COL5A1: variants seen among roughly 807,000 people sequenced by gnomAD.
COL5A1 encodes the protein collagen type V alpha 1 chain, also known as collagen alpha-1(V) chain.
In COL5A1, 16 loss-of-function variants were observed where a neutral mutation model predicts 263.7. That is an observed-to-expected ratio of 0.06 (90% CI 0.04 to 0.09). COL5A1 has a LOEUF of 0.09. Ranked by LOEUF, COL5A1 falls within the 10% of genes least tolerant of loss-of-function variation. The pLI is 1.00. For synonymous variants in COL5A1, 1,012 were observed against 1,004.5 expected (o/e 1.01, Z -0.14); for missense variants, 2,036 against 2,540.5 (o/e 0.80, Z 4.27).
At chr9:134,824,510 A>C in intron 61 of COL5A1, 90 bp from the exon 62 acceptor site, 2 of 1,550,988 alleles carry the variant, frequency 1.3e-6, no homozygotes, top group Non-Finnish European at 8.8e-7. Flanking sequence ...GAACCCCTGC[A>C]GATGTGGCCC....
Position 134,822,199 on chromosome 9 carries a change from G to T in COL5A1, c.4608+49G>T. 2.9e-6 allele frequency: 4 copies of T among 1,381,788 alleles called. No individual in the cohort carries two copies. In the South Asian group the frequency reaches 3.5e-5, roughly 12 times the overall value. 85.6% of individuals were successfully genotyped at this position (1,381,788 alleles called of 1,614,324 possible). A position where few individuals can be genotyped will look rare whatever the true frequency, so the allele number is the denominator to read the frequency against. On this transcript the variant is annotated intron_variant, in intron 59 of 65. Coordinates refer to ENST00000371817, the MANE Select transcript of COL5A1 (RefSeq NM_000093.5). ...TCATTCCTGGGAGGGCAGGGAGGGT[G>T]GGGATAAGCCTTGGGGCCTCAGTGT...
chr9:134,753,776 T>G, intron 14 of COL5A1, 74 bp from the exon 15 acceptor site: 5 of 414,870 alleles, frequency 1.2e-5, no homozygotes, highest in Non-Finnish European at 9.1e-6. Flanking sequence ...GCCCCTCCCC[T>G]GCCACCCCCA....
At chr9:134,679,338 T>A (rs1198865910) in intron 1 of COL5A1, among the ~76,000 whole-genome samples, 3 of 127,216 alleles carry the variant, frequency 2.4e-5, no homozygotes, top group African/African-American at 9.2e-5. Context: ...GCAGGGCTTA[T>A]TAGGGGGCAC....
chr9:134,784,929 G>C (rs1837397661), intron 29 of COL5A1, 60 bp from the exon 30 acceptor site: 3 of 1,316,766 alleles, frequency 2.3e-6, no homozygotes, highest in Admixed American at 1.7e-5. Flanking sequence ...TCAGAATGGT[G>C]GTGGAGAATA....
chr9:134,766,308 A>C, intron 21 of COL5A1, 146 bp from the exon 22 acceptor site: 1 of 781,058 alleles, frequency 1.3e-6, no homozygotes, highest in East Asian at 2.7e-5. Context: ...ATTTGGAGTC[A>C]GGTCCTTCCC....
chr9:134,706,342 GC>G (rs1833837950), intron 4 of COL5A1, among the ~76,000 whole-genome samples: 1 of 152,008 alleles, frequency 6.6e-6, no homozygotes, highest in Non-Finnish European at 1.5e-5. Flanking sequence ...GAGGGGCTGG[GC>G]TCCCCCCAGT....
At chr9:134,808,139 G>A (rs929723591) in intron 42 of COL5A1, among the ~76,000 whole-genome samples, 2 of 152,314 alleles carry the variant, frequency 1.3e-5, no homozygotes, top group East Asian at 3.9e-4. Flanking sequence ...CATGAATTGT[G>A]GAGGGAGGAA....
chr9:134,714,473 A>AGAGG (rs1834179094), intron 4 of COL5A1, among the ~76,000 whole-genome samples: 2 of 16 alleles, frequency 0.12, no homozygotes, highest in Non-Finnish European at 0.2. Flanking sequence ...GGTGGTTGTG[A>AGAGG]TGGTGTGATG....
intron 4 of COL5A1, among the ~76,000 whole-genome samples, chr9:134,711,380 A>G (rs1299615499): frequency 1.3e-5 from 2 of 152,042 alleles, no homozygotes; most frequent in Non-Finnish European, 2.9e-5. Context: ...TGTGCTAATG[A>G]GTGAGTCTTG....
intron 4 of COL5A1, among the ~76,000 whole-genome samples, chr9:134,722,461 C>T (rs1220431584): frequency 1.1e-4 from 17 of 152,196 alleles, no homozygotes. Context: ...GGTATGGCCG[C>T]TGTGCTGGAC....
rs1306109065 is a variant in COL5A1, at chr9:134,680,295, G to A, written c.110-10617G>A. Among the ~76,000 whole-genome samples, 2 of 152,206 alleles carry A rather than the reference G, an allele frequency of 1.3e-5. No homozygotes were observed. The highest frequency in any genetic ancestry group is 2.9e-5 in the Non-Finnish European group (2 of 68,038). On this transcript the variant is annotated intron_variant, in intron 1 of 65. Transcript: ENST00000371817. The surrounding 1 kb of genome is among the most constrained non-coding windows in gnomAD (Gnocchi z 5.9). ...ATTTTCTCACCCTGTGAAACACTGC[G>A]GGTCGGTGCACAGGTGTCTGGATGT...
At position 134,652,158 on chromosome 9, in the gene COL5A1, G is replaced by C. The variant is rs1475205040; in HGVS notation, c.109+9862G>C. Among the ~76,000 whole-genome samples, 1 of 152,178 alleles carries C rather than the reference G, an allele frequency of 6.6e-6. No individual in the cohort carries two copies. Among genetic ancestry groups the C allele is most frequent in the Non-Finnish European group, 1.5e-5 (1 of 68,020 alleles). The stretch of plus-strand genomic sequence containing the variant: ...ACGATTTCTGACTGCGATTGTAAGA[G>C]CTTTCTAGGTAATTATTATTCATGC... On this transcript the variant is annotated intron_variant, in intron 1 of 65. Transcript: ENST00000371817. The surrounding 1 kb of genome is among the most constrained non-coding windows in gnomAD (Gnocchi z 4.4).
At chr9:134,737,254 A>G (rs1011641374) in intron 9 of COL5A1, among the ~76,000 whole-genome samples, 1 of 152,188 alleles carries the variant, frequency 6.6e-6, no homozygotes, top group Non-Finnish European at 1.5e-5. Flanking sequence ...CTGCAGCTGC[A>G]GGATAATCAG....
At position 134,652,541 on chromosome 9, in the gene COL5A1, G is replaced by A. The variant is rs996013001; in HGVS notation, c.109+10245G>A. 6.6e-5 allele frequency among the ~76,000 whole-genome samples: 10 copies of A among 152,132 alleles called. No homozygotes were observed. The highest frequency in any genetic ancestry group is 2.9e-5 in the Non-Finnish European group (2 of 68,020). ...TGTCTGGAGATGTTTTCTGATTGTC[G>A]CACCTGGGGTGGGGGCAGGGCTATC... On this transcript the variant is annotated intron_variant, in intron 1 of 65. Transcript: ENST00000371817. This position sits in a 1 kb window ranked among gnomAD's most constrained non-coding sequence, Gnocchi z 4.4.
intron 1 of COL5A1, among the ~76,000 whole-genome samples, chr9:134,676,434 T>C (rs1313149840): frequency 2.0e-5 from 3 of 152,230 alleles, no homozygotes; most frequent in Non-Finnish European, 4.4e-5. Context: ...ATTTAACCAG[T>C]TCCCGATTGA....
rs576938657 is a variant in COL5A1, at chr9:134,696,208, C to T, written c.278-3701C>T. 6.6e-6 allele frequency among the ~76,000 whole-genome samples: 1 copy of T among 152,274 alleles called. No homozygotes were observed. Among genetic ancestry groups the T allele is most frequent in the African/African-American group, 2.4e-5 (1 of 41,558 alleles). On this transcript the variant is annotated intron_variant, in intron 2 of 65. Coordinates refer to ENST00000371817, the MANE Select transcript of COL5A1 (RefSeq NM_000093.5). This position sits in a 1 kb window ranked among gnomAD's most constrained non-coding sequence, Gnocchi z 4.3. ...ATTATTATTGAGACAGAGTCTCACTCTGTCGCCCAGGCTGGAGTGCAGTGG... is the reference window on the plus strand; with the variant it reads ...ATTATTATTGAGACAGAGTCTCACTTTGTCGCCCAGGCTGGAGTGCAGTGG...
intron 59 of COL5A1, among the ~76,000 whole-genome samples, chr9:134,822,728 C>CTG (rs71499198): frequency 2.6e-5 from 4 of 151,366 alleles, no homozygotes; most frequent in Admixed American, 2.6e-4. Flanking sequence ...GCGCCCCCCC[C>CTG]GCGGCTGTCT....
chr9:134,794,896 T>C lies in COL5A1; in HGVS notation c.2701-186T>C, dbSNP rs114433844. Among the ~76,000 whole-genome samples the C allele has an allele frequency of 0.016, 2,468 of 152,178 alleles. 54 individuals carry two copies. Among genetic ancestry groups the C allele is most frequent in the African/African-American group, 0.056 (2,330 of 41,514 alleles). Reference sequence around the variant, plus strand: ...GGAGTGCAAAGCTGTGTGTGTCGGGTGTGCGGTGAGCTTCTCGCCCTGATA... The same window carrying C: ...GGAGTGCAAAGCTGTGTGTGTCGGGCGTGCGGTGAGCTTCTCGCCCTGATA... On this transcript the variant is annotated intron_variant, in intron 32 of 65. Coordinates refer to ENST00000371817, the MANE Select transcript of COL5A1 (RefSeq NM_000093.5). The surrounding 1 kb of genome is among the most constrained non-coding windows in gnomAD (Gnocchi z 4.3).
Position 134,792,805 on chromosome 9 carries a change from G to A in COL5A1, c.2701-2277G>A, listed in dbSNP as rs535700991. ...TACATATGTGTGTGTGCATGTGTGC[G>A]TGCATGTGTGTGCATGTGTGTGTAT... On this transcript the variant is annotated intron_variant, in intron 32 of 65. Transcript: ENST00000371817. Among the ~76,000 whole-genome samples, 347 of 132,614 alleles carry A rather than the reference G, an allele frequency of 2.6e-3. 3 individuals are homozygous for A. The highest frequency in any genetic ancestry group is 8.9e-3 in the African/African-American group (287 of 32,356). 87.0% of individuals were successfully genotyped at this position (132,614 alleles called of 152,430 possible). A position where few individuals can be genotyped will look rare whatever the true frequency, so the allele number is the denominator to read the frequency against.
Sources: gnomAD v4.1 joint callset for allele counts (sites outside exome capture counted in the v4.1 genomes callset) on GRCh38, gnomAD v4.1.1 for gene constraint, Gnocchi (gnomAD v3.1) non-coding constraint, MANE v1.5 for transcripts, NCBI Gene and HGNC (gene_info 2026-07-23, HGNC 2026-07-21) for gene names.